The following DRAXIN variants were observed in gnomAD, a reference collection of about 807,000 sequenced individuals.
DRAXIN encodes the protein dorsal inhibitory axon guidance protein.
A neutral mutation model predicts 33.9 loss-of-function variants in DRAXIN; 27 were observed. The observed-to-expected ratio is 0.80, with a 90% CI of 0.59 to 1.10. DRAXIN has a LOEUF of 1.10. DRAXIN is among the 50% of genes least tolerant of loss of function. DRAXIN has a pLI of 0.00. For synonymous variants in DRAXIN, 178 were observed against 194.0 expected (o/e 0.92, Z 0.69); for missense variants, 371 against 460.8 (o/e 0.81, Z 1.78).
rs770822419 is a variant in DRAXIN at position 11,719,743 on chromosome 1, G to A, written c.*47G>A. On this transcript the variant is annotated 3_prime_UTR_variant, in exon 7 of 7. Coordinates refer to ENST00000294485, the MANE Select transcript of DRAXIN (RefSeq NM_198545.4). ...TGAGCCCAGGAGGTTTGCACAAGCC[G>A]GGCGATTTGTTTGTAACTAGCAGTG... The A allele has an allele frequency of 5.2e-6, 8 of 1,544,912 alleles. No individual in the cohort carries two copies. The highest frequency in any genetic ancestry group is 1.7e-5 in the Admixed American group (1 of 57,486).
chr1:11,690,512 C>A (rs1464270058), upstream of DRAXIN, among the ~76,000 whole-genome samples: 1 of 152,160 alleles, frequency 6.6e-6, no homozygotes, highest in Non-Finnish European at 1.5e-5. The surrounding 1 kb of genome is among the most constrained non-coding windows in gnomAD (Gnocchi z 4.2). Context: ...GCGACTTGCT[C>A]GAGGTCATAG....
intron 6 of DRAXIN, 122 bp from the exon 7 acceptor site, chr1:11,719,462 C>T (rs1641627194): frequency 4.9e-6 from 4 of 809,328 alleles, no homozygotes; most frequent in South Asian, 3.4e-5. Context: ...CGTGAGGAAG[C>T]TGGGTTGTAG....
At chr1:11,700,644 G>A (rs765276284) in intron 1 of DRAXIN, among the ~76,000 whole-genome samples, 23 of 152,242 alleles carry the variant, frequency 1.5e-4, no homozygotes, top group Non-Finnish European at 1.6e-4. Context: ...ACAGTCGCAC[G>A]AATTTGTCGC....
intron 1 of DRAXIN, among the ~76,000 whole-genome samples, chr1:11,700,823 C>A (rs960698872): frequency 9.2e-5 from 14 of 152,268 alleles, no homozygotes; most frequent in Middle Eastern, 6.8e-3. Context: ...ATGACTTGCT[C>A]CCCCCAACCC....
chr1:11,716,586 G>A (rs979454277), intron 6 of DRAXIN, among the ~76,000 whole-genome samples: 1 of 152,160 alleles, frequency 6.6e-6, no homozygotes, highest in African/African-American at 2.4e-5. Flanking sequence ...CTGCACTCCG[G>A]CCTGGATGAT....
intron 1 of DRAXIN, among the ~76,000 whole-genome samples, chr1:11,693,126 C>T (rs1641112428): frequency 6.6e-6 from 1 of 152,086 alleles, no homozygotes; most frequent in Admixed American, 6.5e-5. Context: ...GGCGTCCACA[C>T]CCTTGCAAGC....
At position 11,704,181 on chromosome 1, in the gene DRAXIN, A is replaced by G. The variant is rs891498797; in HGVS notation, c.-10-2068A>G. ...CAAGGAGGAGGTGGTGATTCCTTTC[A>G]TTGGCCAACGTCCCGAGGTTTCCCT... is the stretch of plus-strand genomic sequence containing the variant. On this transcript the variant is annotated intron_variant, in intron 1 of 6. Transcript: ENST00000294485. The surrounding 1 kb of genome is among the most constrained non-coding windows in gnomAD (Gnocchi z 4.6). Among the ~76,000 whole-genome samples the G allele has an allele frequency of 6.6e-6, 1 of 151,932 alleles. No homozygotes were observed. The highest frequency in any genetic ancestry group is 2.4e-5 in the African/African-American group (1 of 41,318).
At chr1:11,702,747 C>CTTTTTT (rs33972819) in intron 1 of DRAXIN, among the ~76,000 whole-genome samples, 1 of 145,546 alleles carries the variant, frequency 6.9e-6, no homozygotes, top group Non-Finnish European at 1.5e-5. Context: ...GGTATGAATT[C>CTTTTTT]TTTTTTTTTT....
upstream of DRAXIN, chr1:11,691,479 C>T (rs1365047431): frequency 2.0e-5 from 3 of 152,510 alleles, no homozygotes; most frequent in African/African-American, 7.2e-5. Context: ...CTTTGTCTGC[C>T]TCCTTTGTCT....
rs541193552 is a variant in DRAXIN at position 11,718,292 on chromosome 1, G to A, written c.938-1292G>A. Reference sequence around the variant, plus strand: ...ATGGTGCCGCTGCACTCCAGCCTGGGTGACAAGAGCAAAACTCCATCTCAA... The same window carrying A: ...ATGGTGCCGCTGCACTCCAGCCTGGATGACAAGAGCAAAACTCCATCTCAA... On this transcript the variant is annotated intron_variant, in intron 6 of 6. Coordinates refer to ENST00000294485, the MANE Select transcript of DRAXIN (RefSeq NM_198545.4). Among the ~76,000 whole-genome samples, 69 of 141,114 alleles carry A rather than the reference G, an allele frequency of 4.9e-4. No individual in the cohort carries two copies. In the South Asian group the frequency reaches 6.0e-3, roughly 12 times the overall value. The allele number at this position is 141,114 out of a possible 152,430, so 92.6% of individuals were successfully genotyped here.
Position 11,704,290 on chromosome 1 carries a change from G to A in DRAXIN, c.-10-1959G>A, listed in dbSNP as rs1048524988. On this transcript the variant is annotated intron_variant, in intron 1 of 6. Transcript: ENST00000294485. This position sits in a 1 kb window ranked among gnomAD's most constrained non-coding sequence, Gnocchi z 4.6. The stretch of plus-strand genomic sequence containing the variant: ...GCAGGGCTGGGTCTCGGACATGGAC[G>A]GGATCCCATATGCGCTTGGCCTTTC... Among the ~76,000 whole-genome samples the A allele has an allele frequency of 3.3e-5, 5 of 152,212 alleles. No individual in the cohort carries two copies. The highest frequency in any genetic ancestry group is 3.3e-4 in the Admixed American group (5 of 15,280).
In DRAXIN at chr1:11,696,692, A is replaced by C. The variant is rs1641197436; in HGVS notation, c.-11+4839A>C. Among the ~76,000 whole-genome samples the C allele has an allele frequency of 6.6e-6, 1 of 152,042 alleles. No homozygotes were observed. The highest frequency in any genetic ancestry group is 2.1e-4 in the South Asian group (1 of 4,820). On this transcript the variant is annotated intron_variant, in intron 1 of 6. Coordinates refer to ENST00000294485, the MANE Select transcript of DRAXIN (RefSeq NM_198545.4). This position sits in a 1 kb window ranked among gnomAD's most constrained non-coding sequence, Gnocchi z 4.7. Reference sequence around the variant, plus strand: ...ACACGGTGAAACTCTGTCTGTACTAAAAATGCAAAAATTAGCCGGGCGTGG... The same window carrying C: ...ACACGGTGAAACTCTGTCTGTACTACAAATGCAAAAATTAGCCGGGCGTGG...
chr1:11,714,009 C>T (rs1375243738), intron 5 of DRAXIN, among the ~76,000 whole-genome samples: 3 of 151,974 alleles, frequency 2.0e-5, no homozygotes, highest in Admixed American at 6.6e-5. Context: ...TCTGACAGAG[C>T]GAGACTCTGT....
At chr1:11,697,441 C>T (rs1339828534) in intron 1 of DRAXIN, among the ~76,000 whole-genome samples, 1 of 152,246 alleles carries the variant, frequency 6.6e-6, no homozygotes, top group Non-Finnish European at 1.5e-5. Context: ...ACTGTATCTA[C>T]CCTGCTAGAT....
chr1:11,706,147 T>A lies in DRAXIN; in HGVS notation c.-10-102T>A. 8.8e-7 allele frequency: 1 copy of A among 1,138,108 alleles called. No homozygotes were observed. The highest frequency in any genetic ancestry group is 1.2e-6 in the Non-Finnish European group (1 of 828,150). 70.5% of individuals were successfully genotyped at this position (1,138,108 alleles called of 1,614,324 possible). A position where few individuals can be genotyped will look rare whatever the true frequency, so the allele number is the denominator to read the frequency against. On this transcript the variant is annotated intron_variant, in intron 1 of 6. Coordinates refer to ENST00000294485, the MANE Select transcript of DRAXIN (RefSeq NM_198545.4). This position sits in a 1 kb window ranked among gnomAD's most constrained non-coding sequence, Gnocchi z 5.5. Reference sequence around the variant, plus strand: ...GCCAAATGTCACTGGGAGCAAAATGTCCCTCTATGGCTGTTGAGAAAAACT... The same window carrying A: ...GCCAAATGTCACTGGGAGCAAAATGACCCTCTATGGCTGTTGAGAAAAACT...
Position 11,706,696 on chromosome 1 carries a change from G to A in DRAXIN, c.438G>A (p.Leu146=). 4 of 1,579,124 alleles carry A rather than the reference G, an allele frequency of 2.5e-6. No homozygotes were observed. The highest frequency in any genetic ancestry group is 3.4e-6 in the Non-Finnish European group (4 of 1,167,310). Residue 146 remains leucine, a synonymous_variant, in exon 2 of 7, where the codon TTG becomes TTA. Coordinates refer to ENST00000294485, the MANE Select transcript of DRAXIN (RefSeq NM_198545.4). The surrounding 1 kb of genome is among the most constrained non-coding windows in gnomAD (Gnocchi z 5.5). ...AGCACAAGAGACGCAGGGACAGGTT[G>A]AGGCTGCACCAAGGTAGCTGGAGGG... The part of the protein sequence containing the change: ...SREHKRRRDR[L]RLHQGRALVR...
chr1:11,702,626 ACACACATGCT>A (rs1641311816), intron 1 of DRAXIN, among the ~76,000 whole-genome samples: 2 of 151,698 alleles, frequency 1.3e-5, no homozygotes, highest in Admixed American at 6.6e-5. Flanking sequence ...TAGTACACAC[ACACACATGCT>A]CACACATGCT....
rs556414468 is a variant in DRAXIN, at chr1:11,712,918, C to G, written c.847+489C>G. Among the ~76,000 whole-genome samples, 3 of 138,520 alleles carry G rather than the reference C, an allele frequency of 2.2e-5. No individual in the cohort carries two copies. In the East Asian group the frequency reaches 6.4e-4, roughly 30 times the overall value. 90.9% of individuals were successfully genotyped at this position (138,520 alleles called of 152,430 possible). Reference sequence around the variant, plus strand: ...AACTCCATCTCAAAAAAAAAAAATACCCTGGGCATGGTGGCTCATGCCTGT... The same window carrying G: ...AACTCCATCTCAAAAAAAAAAAATAGCCTGGGCATGGTGGCTCATGCCTGT... On this transcript the variant is annotated intron_variant, in intron 5 of 6. Transcript: ENST00000294485.
chr1:11,715,013 G>C, intron 5 of DRAXIN, 106 bp from the exon 6 acceptor site: 1 of 1,364,574 alleles, frequency 7.3e-7, no homozygotes. Context: ...GCCAGGGCGC[G>C]GCCTGCCACA....
Sources: gnomAD v4.1 joint callset for allele counts (sites outside exome capture counted in the v4.1 genomes callset) on GRCh38, gnomAD v4.1.1 for gene constraint, Gnocchi (gnomAD v3.1) non-coding constraint, MANE v1.5 for transcripts, NCBI Gene and HGNC (gene_info 2026-07-23, HGNC 2026-07-21) for gene names.